LINGO2: variants seen among roughly 807,000 people sequenced by gnomAD.
The protein encoded by LINGO2 is leucine rich repeat and Ig domain containing 2, also known as leucine-rich repeat and immunoglobulin-like domain-containing nogo receptor-interacting protein 2.
In LINGO2, 14 loss-of-function variants were observed where a neutral mutation model predicts 30.6. That is an observed-to-expected ratio of 0.46 (90% CI 0.30 to 0.72). The LOEUF (loss-of-function observed/expected upper bound fraction) is 0.72, where lower values mean the gene tolerates loss of function less well. Among genes scored for constraint, LINGO2 ranks in the 30% least tolerant of loss-of-function variants. LINGO2 has a pLI of 0.07. For missense variants in LINGO2, 729 were observed against 751.7 expected, an observed-to-expected ratio of 0.97 and a Z score of 0.35; for synonymous variants, 317 against 288.5, an observed-to-expected ratio of 1.10 and a Z score of -1.00.
chr9:28,501,969 A>G (rs2135318623), intron 1 of LINGO2, among the ~76,000 whole-genome samples: 1 of 152,134 alleles, frequency 6.6e-6, no homozygotes, highest in East Asian at 1.9e-4. Flanking sequence ...AAGAGAGAGA[A>G]AGTAGGAGGA....
intron 4 of LINGO2, among the ~76,000 whole-genome samples, chr9:28,092,317 C>T (rs1309158877): frequency 6.6e-6 from 1 of 151,922 alleles, no homozygotes; most frequent in African/African-American, 2.4e-5. Context: ...CAATGATAGA[C>T]TGGATTAAGA....
At chr9:29,065,531 TC>T in the LINGO2 span, among the ~76,000 whole-genome samples, 2 of 152,056 alleles carry the variant, frequency 1.3e-5, no homozygotes, top group Admixed American at 6.6e-5. Flanking sequence ...GGATATGCTT[TC>T]CCCCATTGCT....
chr9:28,513,128 T>TACAC (rs1564256635), intron 1 of LINGO2, among the ~76,000 whole-genome samples: 1 of 137,666 alleles, frequency 7.3e-6, no homozygotes, highest in Non-Finnish European at 1.6e-5. Flanking sequence ...CACACACACT[T>TACAC]AGAAAATATT....
chr9:29,066,028 G>C, the LINGO2 span, among the ~76,000 whole-genome samples: 1 of 151,902 alleles, frequency 6.6e-6, no homozygotes. Flanking sequence ...AGCTACTTCA[G>C]ATCTGAAATT....
chr9:28,565,955 A>G (rs946914632), intron 1 of LINGO2, among the ~76,000 whole-genome samples: 1 of 152,130 alleles, frequency 6.6e-6, no homozygotes, highest in Admixed American at 6.5e-5. Context: ...CTGTATATCT[A>G]TATATCTATA....
intron 2 of LINGO2, among the ~76,000 whole-genome samples, chr9:28,457,125 A>T (rs567309223): frequency 6.6e-6 from 1 of 152,130 alleles, no homozygotes; most frequent in African/African-American, 2.4e-5. Flanking sequence ...TGTGCACATC[A>T]TGGAAATATG....
chr9:28,186,633 G>C (rs73645608), intron 4 of LINGO2, among the ~76,000 whole-genome samples: 7,226 of 152,184 alleles, frequency 0.047, 214 homozygotes, highest in African/African-American at 0.081. Flanking sequence ...AGTAGTCCAG[G>C]AAGATTTAGA....
chr9:28,014,192 G>A (rs903542463), intron 4 of LINGO2, among the ~76,000 whole-genome samples: 4 of 151,998 alleles, frequency 2.6e-5, no homozygotes, highest in African/African-American at 9.7e-5. Flanking sequence ...TCGAGCATTT[G>A]GAAAATTAAA....
chr9:28,343,016 T>C (rs1055244291), intron 3 of LINGO2, among the ~76,000 whole-genome samples: 10 of 152,126 alleles, frequency 6.6e-5, no homozygotes, highest in African/African-American at 2.2e-4. Context: ...GATTGCAAAA[T>C]TGGTTTAAAC....
chr9:29,172,658 A>G, the LINGO2 span, among the ~76,000 whole-genome samples: 1 of 151,982 alleles, frequency 6.6e-6, no homozygotes, highest in East Asian at 1.9e-4. Context: ...TTCTAATTCA[A>G]TTTAATGACA....
intron 5 of LINGO2, among the ~76,000 whole-genome samples, chr9:27,967,799 A>G (rs1820170976): frequency 6.6e-6 from 1 of 152,182 alleles, no homozygotes; most frequent in East Asian, 1.9e-4. Context: ...TTTTCCAGAT[A>G]CAGCTGCATC....
Position 28,054,210 on chromosome 9 carries a change from T to C in LINGO2, c.-86-41805A>G, listed in dbSNP as rs1038261427. Among the ~76,000 whole-genome samples, 66 of 152,086 alleles carry C rather than the reference T, an allele frequency of 4.3e-4. 1 individual carries two copies. Among genetic ancestry groups the C allele is most frequent in the African/African-American group, 1.6e-3 (65 of 41,418 alleles). ...TAGGAGAAATCTTAATGACAAGAAA[T>C]AGTGCCAGACAGAAAAATCCAAAGA... On this transcript the variant is annotated intron_variant, in intron 4 of 5. Transcript: ENST00000379992.
the LINGO2 span, among the ~76,000 whole-genome samples, chr9:28,863,135 G>A: frequency 6.6e-6 from 1 of 151,864 alleles, no homozygotes; most frequent in African/African-American, 2.4e-5. Context: ...CCACACCAAT[G>A]TTTTTCTTGT....
chr9:29,167,340 C>T, the LINGO2 span, among the ~76,000 whole-genome samples: 2 of 152,082 alleles, frequency 1.3e-5, no homozygotes, highest in African/African-American at 4.8e-5. Flanking sequence ...CTTCTGTTTT[C>T]GTACTTAAAT....
chr9:28,072,175 C>A (rs150809902), intron 4 of LINGO2, among the ~76,000 whole-genome samples: 1 of 152,154 alleles, frequency 6.6e-6, no homozygotes, highest in Non-Finnish European at 1.5e-5. Flanking sequence ...GAAAGGGACT[C>A]GCACAACATG....
chr9:28,479,939 ATATATATATATATAT>A (rs1564228458), intron 1 of LINGO2, among the ~76,000 whole-genome samples: 1 of 130,852 alleles, frequency 7.6e-6, no homozygotes, highest in African/African-American at 3.0e-5. Context: ...ATATATATAT[ATATATATATATATAT>A]ATGTACATTT....
intron 5 of LINGO2, among the ~76,000 whole-genome samples, chr9:27,980,234 G>T (rs1820792117): frequency 6.6e-6 from 1 of 151,880 alleles, no homozygotes; most frequent in African/African-American, 2.4e-5. Flanking sequence ...TAGCTATAAG[G>T]CACTCAAACG....
At chr9:28,344,167 G>A (rs1465434206) in intron 3 of LINGO2, among the ~76,000 whole-genome samples, 1 of 151,978 alleles carries the variant, frequency 6.6e-6, no homozygotes, top group African/African-American at 2.4e-5. Context: ...ACAGAAGAGT[G>A]ACCCTACATA....
At chr9:28,304,651 A>G (rs1824274928) in intron 3 of LINGO2, among the ~76,000 whole-genome samples, 1 of 152,064 alleles carries the variant, frequency 6.6e-6, no homozygotes. Flanking sequence ...ACACACATTT[A>G]TATAAGTCTT....
Sources: allele counts gnomAD v4.1 joint callset (sites outside exome capture counted in the v4.1 genomes callset), GRCh38; gene constraint gnomAD v4.1.1; transcripts MANE v1.5; gene names NCBI Gene and HGNC (gene_info 2026-07-23, HGNC 2026-07-21).